Variants in ZSWIM6 observed in about 807,000 individuals in gnomAD.
The protein encoded by ZSWIM6 is zinc finger SWIM-type containing 6.
A neutral mutation model predicts 113.2 loss-of-function variants in ZSWIM6; 9 were observed. That is an observed-to-expected ratio of 0.08 (90% confidence interval 0.05 to 0.14). ZSWIM6 has a LOEUF of 0.14. Among genes scored for constraint, ZSWIM6 ranks in the 10% least tolerant of loss-of-function variants. The pLI, the probability that ZSWIM6 is intolerant of heterozygous loss-of-function variation, is 1.00. For synonymous variants in ZSWIM6, 611 were observed against 606.5 expected (o/e 1.01, Z -0.11); for missense variants, 1,162 against 1,552.2 (o/e 0.75, Z 4.22).
intron 1 of ZSWIM6, chr5:61,375,250 C>T: frequency 6.2e-7 from 1 of 1,612,082 alleles, no homozygotes. Flanking sequence ...AGTAAAAGAG[C>T]AACTAGAAAA....
intron 1 of ZSWIM6, among the ~76,000 whole-genome samples, chr5:61,369,645 T>C (rs139789936): frequency 6.2e-4 from 94 of 152,220 alleles, no homozygotes; most frequent in Non-Finnish European, 1.2e-3. Context: ...CTTACTTGAG[T>C]GGTGGTTTAT....
intron 1 of ZSWIM6, among the ~76,000 whole-genome samples, chr5:61,438,237 GA>G (rs1746751711): frequency 6.6e-6 from 1 of 152,068 alleles, no homozygotes. Context: ...AGTCATGTTC[GA>G]AATATGACAT....
At chr5:61,493,980 A>C (rs1378609395) in intron 3 of ZSWIM6, among the ~76,000 whole-genome samples, 1 of 152,144 alleles carries the variant, frequency 6.6e-6, no homozygotes, top group Non-Finnish European at 1.5e-5. Context: ...CTTCATATGG[A>C]TTCTAACATA....
chr5:61,446,373 A>G (rs1268771166), intron 1 of ZSWIM6, among the ~76,000 whole-genome samples: 3 of 152,220 alleles, frequency 2.0e-5, no homozygotes, highest in Admixed American at 1.3e-4. Context: ...CTTGCTAACT[A>G]CTTTGTGATC....
intron 1 of ZSWIM6, 63 bp downstream of exon 1, chr5:61,333,011 G>GGGCCCC: frequency 1.0e-6 from 1 of 1,003,870 alleles, no homozygotes; most frequent in Non-Finnish European, 1.2e-6. Flanking sequence ...GGGGGGGGGT[G>GGGCCCC]CCCGCCTTTC....
At chr5:61,537,231 G>A (rs1262389611) in intron 10 of ZSWIM6, among the ~76,000 whole-genome samples, 1 of 152,180 alleles carries the variant, frequency 6.6e-6, no homozygotes, top group African/African-American at 2.4e-5. Flanking sequence ...TTTGTCCTTG[G>A]TTGCTGCCAA....
At chr5:61,489,670 T>C (rs1748127929) in intron 2 of ZSWIM6, among the ~76,000 whole-genome samples, 1 of 152,066 alleles carries the variant, frequency 6.6e-6, no homozygotes, top group Non-Finnish European at 1.5e-5. Context: ...CTGAACTAAG[T>C]TGTAGATTCA....
At chr5:61,507,904 C>G (rs1324596010) in intron 4 of ZSWIM6, among the ~76,000 whole-genome samples, 10 of 152,118 alleles carry the variant, frequency 6.6e-5, no homozygotes, top group Admixed American at 6.6e-4. Flanking sequence ...ATATACATAA[C>G]TATACATACA....
In ZSWIM6 at chr5:61,463,096, T is replaced by TG. The variant is rs1747352133; in HGVS notation, c.677-9585_677-9584insG. ...CCAGGGATGTTGTAAAACAGTCTCT[T>TG]TGCAGAAGTAAATACTCTCTGATTA... On this transcript the variant is annotated intron_variant, in intron 1 of 13. Coordinates refer to ENST00000252744, the MANE Select transcript of ZSWIM6 (RefSeq NM_020928.2). 2.0e-5 allele frequency among the ~76,000 whole-genome samples: 3 copies of TG among 152,344 alleles called. No individual in the cohort carries two copies. In the South Asian group the frequency reaches 6.2e-4, roughly 32 times the overall value.
intron 1 of ZSWIM6, among the ~76,000 whole-genome samples, chr5:61,341,647 CAGA>C (rs1744548536): frequency 6.6e-6 from 1 of 152,230 alleles, no homozygotes; most frequent in East Asian, 1.9e-4. Flanking sequence ...AGTGCTGATA[CAGA>C]ACAACAGAAG....
chr5:61,542,274 T>C (rs1182533073), intron 13 of ZSWIM6, among the ~76,000 whole-genome samples: 2 of 152,216 alleles, frequency 1.3e-5, no homozygotes, highest in African/African-American at 4.8e-5. Context: ...CTGTTTTTCT[T>C]CTTTATCATC....
intron 4 of ZSWIM6, among the ~76,000 whole-genome samples, chr5:61,520,407 A>G (rs1444256468): frequency 6.6e-6 from 1 of 152,178 alleles, no homozygotes; most frequent in East Asian, 1.9e-4. Context: ...GAAAGGAATA[A>G]TTTATCAGAC....
intron 1 of ZSWIM6, among the ~76,000 whole-genome samples, chr5:61,342,685 T>C (rs1220246959): frequency 6.6e-6 from 1 of 152,152 alleles, no homozygotes; most frequent in Non-Finnish European, 1.5e-5. Context: ...TAAAATGTTA[T>C]TTTTTTCCAA....
intron 1 of ZSWIM6, among the ~76,000 whole-genome samples, chr5:61,417,177 G>A (rs1746275755): frequency 6.6e-6 from 1 of 152,120 alleles, no homozygotes; most frequent in African/African-American, 2.4e-5. Flanking sequence ...ACCTTTGTTA[G>A]CATCTGCCTG....
intron 9 of ZSWIM6, among the ~76,000 whole-genome samples, chr5:61,532,859 CT>C (rs1318491870): frequency 1.3e-5 from 2 of 152,122 alleles, no homozygotes; most frequent in Admixed American, 1.3e-4. Flanking sequence ...TTACTGTTTT[CT>C]TTCAGTTTTC....
chr5:61,519,771 T>C (rs1259930515), intron 4 of ZSWIM6, among the ~76,000 whole-genome samples: 1 of 152,108 alleles, frequency 6.6e-6, no homozygotes, highest in Non-Finnish European at 1.5e-5. Context: ...TCCCCAACCT[T>C]TTTGGCACCA....
chr5:61,426,082 T>C (rs930290235), intron 1 of ZSWIM6, among the ~76,000 whole-genome samples: 5 of 152,214 alleles, frequency 3.3e-5, no homozygotes, highest in Admixed American at 6.5e-5. Flanking sequence ...GAGGCTGCTT[T>C]TAAAACATTT....
At chr5:61,383,492 T>TTAA (rs1019696135) in intron 1 of ZSWIM6, among the ~76,000 whole-genome samples, 12 of 152,206 alleles carry the variant, frequency 7.9e-5, no homozygotes, top group Non-Finnish European at 5.9e-5. Flanking sequence ...ACAATATTTG[T>TTAA]TAATATTTCT....
chr5:61,352,618 T>C (rs965927143), intron 1 of ZSWIM6, among the ~76,000 whole-genome samples: 2 of 152,252 alleles, frequency 1.3e-5, no homozygotes, highest in African/African-American at 4.8e-5. Flanking sequence ...TCCCAGATTT[T>C]CCAAAGGTAC....
Sources: allele counts gnomAD v4.1 joint callset (sites outside exome capture counted in the v4.1 genomes callset), GRCh38; gene constraint gnomAD v4.1.1; transcripts MANE v1.5; gene names NCBI Gene and HGNC (gene_info 2026-07-23, HGNC 2026-07-21).